The following FRMPD2 variants were observed in gnomAD, a reference collection of about 807,000 sequenced individuals.
FRMPD2 encodes the protein FERM and PDZ domain containing 2, also known as FERM and PDZ domain-containing protein 2.
FRMPD2 carries 96 observed loss-of-function variants against 140.1 expected under a neutral mutation model. The observed-to-expected ratio is 0.69, with a 90% confidence interval of 0.58 to 0.81. The LOEUF is 0.81. Ranked by LOEUF, FRMPD2 falls within the 40% of genes least tolerant of loss-of-function variation. FRMPD2 has a pLI of 0.00. For synonymous variants in FRMPD2, 449 were observed against 547.6 expected (o/e 0.82, Z 2.52); for missense variants, 1,240 against 1,447.4 (o/e 0.86, Z 2.32).
intron 20 of FRMPD2, among the ~76,000 whole-genome samples, chr10:48,182,388 G>C (rs1838573657): frequency 6.6e-6 from 1 of 152,218 alleles, no homozygotes; most frequent in Non-Finnish European, 1.5e-5. Flanking sequence ...TATGAGCTGG[G>C]AGACCTTTTT....
At chr10:48,267,544 A>C (rs1840699082) in intron 1 of FRMPD2, among the ~76,000 whole-genome samples, 2 of 152,236 alleles carry the variant, frequency 1.3e-5, no homozygotes. Context: ...GAATGGCAGA[A>C]AATATTAAAT....
chr10:48,254,653 G>C (rs577872268), intron 1 of FRMPD2, among the ~76,000 whole-genome samples: 1 of 152,246 alleles, frequency 6.6e-6, no homozygotes, highest in Non-Finnish European at 1.5e-5. Context: ...CTGTACGCCA[G>C]GCACTGTTCA....
intron 16 of FRMPD2, among the ~76,000 whole-genome samples, chr10:48,187,691 C>T (rs574040460): frequency 1.3e-5 from 2 of 152,332 alleles, no homozygotes; most frequent in South Asian, 4.2e-4. Flanking sequence ...CACCAGCACT[C>T]TTAGTGGATA....
At chr10:48,256,747 C>T (rs563832491) in intron 1 of FRMPD2, among the ~76,000 whole-genome samples, 4 of 152,134 alleles carry the variant, frequency 2.6e-5, no homozygotes, top group Admixed American at 6.5e-5. Context: ...CTCCTGGCCT[C>T]GTGGGTCAGG....
At chr10:48,207,673 C>A (rs1839231468) in intron 13 of FRMPD2, among the ~76,000 whole-genome samples, 1 of 152,122 alleles carries the variant, frequency 6.6e-6, no homozygotes. Context: ...TCATCTTCAC[C>A]AGGAAGACGC....
Position 48,189,270 on chromosome 10 carries a change from T to C in FRMPD2, c.2166-1978A>G, listed in dbSNP as rs150147802. Among the ~76,000 whole-genome samples, 317 of 152,232 alleles carry C rather than the reference T, an allele frequency of 2.1e-3. 1 individual carries two copies. The highest frequency in any genetic ancestry group is 6.9e-3 in the African/African-American group (287 of 41,540). ...GTGTCAGGGTGGAGGGGACAGAGGG[T>C]ACTGCCCTAACTGGAGCCAGCGATG... On this transcript the variant is annotated intron_variant, in intron 16 of 28. Transcript: ENST00000374201.
At position 48,274,613 on chromosome 10, in the gene FRMPD2, T is replaced by C. The variant is rs200713836; in HGVS notation, c.-46A>G. ...GTCTAGGCCTTCATCATGGGACAAC[T>C]TTCCAACAAGGAGCAGGGGTCTCTT... On this transcript the variant is annotated 5_prime_UTR_variant, in exon 1 of 29. Coordinates refer to ENST00000374201, the MANE Select transcript of FRMPD2 (RefSeq NM_001018071.4). 1.1e-5 allele frequency: 17 copies of C among 1,603,350 alleles called. No homozygotes were observed. In the East Asian group the frequency reaches 3.8e-4, roughly 36 times the overall value.
intron 16 of FRMPD2, 103 bp downstream of exon 16, chr10:48,192,581 A>T: frequency 9.4e-7 from 1 of 1,062,736 alleles, no homozygotes; most frequent in Non-Finnish European, 1.4e-6. Flanking sequence ...CAAGAGCAAA[A>T]CTCAGTCTCA....
chr10:48,181,887 TACACAC>T (rs56127751), intron 20 of FRMPD2, among the ~76,000 whole-genome samples: 4 of 111,526 alleles, frequency 3.6e-5, no homozygotes, highest in Non-Finnish European at 5.7e-5. Context: ...ATGGCTCTCA[TACACAC>T]ACACACACAC....
chr10:48,226,146 G>GT (rs1409963056), intron 10 of FRMPD2, among the ~76,000 whole-genome samples: 7 of 152,192 alleles, frequency 4.6e-5, no homozygotes, highest in African/African-American at 7.2e-5. Context: ...GCCCAAGCTT[G>GT]TTTTTTCCTT....
intron 15 of FRMPD2, among the ~76,000 whole-genome samples, chr10:48,195,803 T>C (rs1025764405): frequency 6.6e-6 from 1 of 152,240 alleles, no homozygotes; most frequent in Admixed American, 6.5e-5. Flanking sequence ...AAAAAACATG[T>C]ATTAACCACT....
At chr10:48,265,892 C>T (rs7915333) in intron 1 of FRMPD2, among the ~76,000 whole-genome samples, 17,890 of 151,948 alleles carry the variant, frequency 0.12, 2,057 homozygotes, top group African/African-American at 0.3. Context: ...TATAAATCGT[C>T]GTATCATAAA....
rs559777422 is a variant in FRMPD2, at chr10:48,256,146, T to C, written c.26-4455A>G. Among the ~76,000 whole-genome samples the C allele has an allele frequency of 7.9e-5, 12 of 152,246 alleles. No homozygotes were observed. The South Asian group carries it at 1.2e-3, about 16-fold the overall frequency. On this transcript the variant is annotated intron_variant, in intron 1 of 28. Transcript: ENST00000374201. ...AGGGCTGACTGCAAACACCTTAGCTTATCTGATCTTCACCAGTCCTGTAAG... is the reference window on the plus strand; with the variant it reads ...AGGGCTGACTGCAAACACCTTAGCTCATCTGATCTTCACCAGTCCTGTAAG...
In FRMPD2 at chr10:48,225,715, G is replaced by A. The variant is rs117317219; in HGVS notation, c.1169-2445C>T. On this transcript the variant is annotated intron_variant, in intron 10 of 28. Coordinates refer to ENST00000374201, the MANE Select transcript of FRMPD2 (RefSeq NM_001018071.4). ...TTTAGGTTGGCAAAACCTGGTGTTA[G>A]AGATGTGGGATCCAAAAATGACAAG... 9.4e-3 allele frequency among the ~76,000 whole-genome samples: 1,428 copies of A among 152,296 alleles called. 14 individuals are homozygous for A. The highest frequency in any genetic ancestry group is 0.014 in the Non-Finnish European group (985 of 68,028).
intron 1 of FRMPD2, chr10:48,251,904 G>C (rs1840392195): frequency 1.8e-6 from 1 of 547,826 alleles, no homozygotes; most frequent in African/African-American, 1.9e-5. Context: ...AGGTTGGCTG[G>C]TCGGTTCTCA....
chr10:48,213,237 C>T (rs1839371885), intron 12 of FRMPD2, among the ~76,000 whole-genome samples: 1 of 152,164 alleles, frequency 6.6e-6, no homozygotes, highest in African/African-American at 2.4e-5. Context: ...CTCAGCTCCA[C>T]CACAAACAGA....
chr10:48,179,421 C>CTGAGGGAGAATCTGA (rs1838487023), intron 21 of FRMPD2, among the ~76,000 whole-genome samples: 1 of 150,720 alleles, frequency 6.6e-6, no homozygotes, highest in Non-Finnish European at 1.5e-5. Context: ...TGTGGGAAGA[C>CTGAGGGAGAATCTGA]ACAGGGACTG....
At chr10:48,158,335 G>A in intron 28 of FRMPD2, among the ~76,000 whole-genome samples, 1 of 149,500 alleles carries the variant, frequency 6.7e-6, no homozygotes. Flanking sequence ...TGCCCTTGGA[G>A]ATTTGACCTG....
intron 10 of FRMPD2, among the ~76,000 whole-genome samples, chr10:48,223,842 C>A (rs1227165876): frequency 6.6e-6 from 1 of 152,182 alleles, no homozygotes; most frequent in African/African-American, 2.4e-5. Context: ...AGGAGGAAGA[C>A]ACCAGAGCTT....
Sources: gnomAD v4.1 joint callset for allele counts (sites outside exome capture counted in the v4.1 genomes callset) on GRCh38, gnomAD v4.1.1 for gene constraint, MANE v1.5 for transcripts, NCBI Gene and HGNC (gene_info 2026-07-23, HGNC 2026-07-21) for gene names.